Variants in LEPROT observed in about 807,000 individuals in gnomAD.
LEPROT encodes leptin receptor overlapping transcript, also known as leptin receptor gene-related protein.
In LEPROT, 3 loss-of-function variants were observed where a neutral mutation model predicts 15.4. The ratio of observed to expected loss-of-function variants is 0.19; its 90% CI spans 0.09 to 0.50. LEPROT has a LOEUF of 0.50. Among genes scored for constraint, LEPROT ranks in the 20% least tolerant of loss-of-function variants. LEPROT has a pLI of 0.97. For synonymous variants in LEPROT, 59 were observed against 57.5 expected (o/e 1.03, Z -0.12); for missense variants, 137 against 162.2 (o/e 0.84, Z 0.84).
intron 1 of LEPROT, among the ~76,000 whole-genome samples, chr1:65,420,963 C>T (rs761798008): frequency 2.0e-5 from 3 of 152,166 alleles, no homozygotes; most frequent in East Asian, 3.9e-4. Context: ...GCTGGCCTTC[C>T]TGCTCTCCAG....
At chr1:65,428,351 A>G (rs539313505) in intron 2 of LEPROT, among the ~76,000 whole-genome samples, 1 of 152,238 alleles carries the variant, frequency 6.6e-6, no homozygotes, top group Admixed American at 6.5e-5. Flanking sequence ...TTGGCTGTGG[A>G]TATGTAAGGT....
At chr1:65,426,664 A>C (rs1646378109) in intron 2 of LEPROT, among the ~76,000 whole-genome samples, 1 of 152,164 alleles carries the variant, frequency 6.6e-6, no homozygotes, top group African/African-American at 2.4e-5. Flanking sequence ...GAGAGTTCTT[A>C]GATGTCTCCC....
intron 2 of LEPROT, among the ~76,000 whole-genome samples, chr1:65,427,612 A>G (rs955856392): frequency 2.6e-5 from 4 of 152,196 alleles, no homozygotes; most frequent in African/African-American, 4.8e-5. Context: ...AATGGAGCTC[A>G]TGTTCTGACG....
In LEPROT at chr1:65,433,976, C is replaced by T. The variant is rs1646523192; in HGVS notation, c.*2057C>T. 3.0e-6 allele frequency: 3 copies of T among 985,300 alleles called. No individual in the cohort carries two copies. Among genetic ancestry groups the T allele is most frequent in the South Asian group, 9.4e-5 (2 of 21,280 alleles). The allele number at this position is 985,300 out of a possible 1,614,324, so 61.0% of individuals were successfully genotyped here. On this transcript the variant is annotated 3_prime_UTR_variant, in exon 4 of 4. Coordinates refer to ENST00000371065, the MANE Select transcript of LEPROT (RefSeq NM_017526.5). Reference sequence around the variant, plus strand: ...TGAATGTCTAGTTGGTGTGCAATAGCTTTTCTTTCTAAGATGGCAATAATG... The same window carrying T: ...TGAATGTCTAGTTGGTGTGCAATAGTTTTTCTTTCTAAGATGGCAATAATG...
chr1:65,423,613 G>A (rs1402432188), intron 1 of LEPROT, among the ~76,000 whole-genome samples: 1 of 152,082 alleles, frequency 6.6e-6, no homozygotes, highest in African/African-American at 2.4e-5. Flanking sequence ...ATTAAAGAGT[G>A]GAAATGTAAA....
chr1:65,427,248 G>T (rs1464774989), intron 2 of LEPROT, among the ~76,000 whole-genome samples: 1 of 152,094 alleles, frequency 6.6e-6, no homozygotes, highest in Non-Finnish European at 1.5e-5. Context: ...CAAAGCCCAG[G>T]GTAGTTAAAG....
intron 1 of LEPROT, among the ~76,000 whole-genome samples, chr1:65,422,000 CAG>C (rs1318276125): frequency 6.6e-6 from 1 of 152,144 alleles, no homozygotes; most frequent in Non-Finnish European, 1.5e-5. Context: ...TGGTGGGTGA[CAG>C]AGCTGGAAAT....
chr1:65,426,235 A>AAAATCAGCAAGCAGGC (rs1557581615), intron 2 of LEPROT, among the ~76,000 whole-genome samples: 23 of 152,116 alleles, frequency 1.5e-4, no homozygotes, highest in African/African-American at 5.1e-4. Flanking sequence ...AGGCCCGGAG[A>AAAATCAGCAAGCAGGC]CATGAAAGTG....
chr1:65,425,894 A>AT, intron 2 of LEPROT, among the ~76,000 whole-genome samples: 1 of 152,048 alleles, frequency 6.6e-6, no homozygotes, highest in Admixed American at 6.5e-5. Context: ...CATTCTACAC[A>AT]TTTTTTCATT....
chr1:65,424,451 G>A (rs1218432737), intron 1 of LEPROT, among the ~76,000 whole-genome samples: 1 of 152,160 alleles, frequency 6.6e-6, no homozygotes, highest in Non-Finnish European at 1.5e-5. Context: ...GAGTTATGTG[G>A]ACCAACTGGC....
chr1:65,430,149 C>A, intron 3 of LEPROT, 101 bp downstream of exon 3: 1 of 1,037,220 alleles, frequency 9.6e-7, no homozygotes, highest in Non-Finnish European at 1.3e-6. Context: ...AGGCTTTATA[C>A]TCAAGGCCGT....
At chr1:65,421,567 A>G in intron 1 of LEPROT, 1 of 1,276,726 alleles carries the variant, frequency 7.8e-7, no homozygotes, top group Non-Finnish European at 1.1e-6. Context: ...TCCCCAGTTA[A>G]CATCTGCTAT....
chr1:65,422,890 GT>G (rs1646280465), intron 1 of LEPROT, among the ~76,000 whole-genome samples: 1 of 152,182 alleles, frequency 6.6e-6, no homozygotes, highest in South Asian at 2.1e-4. Flanking sequence ...GATATATATA[GT>G]TGAAAGATCA....
intron 2 of LEPROT, among the ~76,000 whole-genome samples, chr1:65,426,905 G>C (rs1172626238): frequency 5.3e-5 from 8 of 152,134 alleles, no homozygotes; most frequent in African/African-American, 1.9e-4. Context: ...GGCTGAGGCA[G>C]GAGAATTGCT....
intron 2 of LEPROT, 121 bp from the exon 3 acceptor site, chr1:65,429,741 A>G (rs1570431289): frequency 2.4e-6 from 2 of 835,144 alleles, no homozygotes; most frequent in East Asian, 2.7e-5. Context: ...AATATTCACA[A>G]TTAATTAATT....
rs1646513300 is a variant in LEPROT at position 65,433,250 on chromosome 1, A to G, written c.*1331A>G. On this transcript the variant is annotated 3_prime_UTR_variant, in exon 4 of 4. Coordinates refer to ENST00000371065, the MANE Select transcript of LEPROT (RefSeq NM_017526.5). ...TTCTTCCCGAAGAGATATAGGAGCC[A>G]TGTAAGCACGCAGTGGGTGAACTGC... 4.1e-6 allele frequency: 4 copies of G among 985,090 alleles called. No individual in the cohort carries two copies. The highest frequency in any genetic ancestry group is 4.8e-6 in the Non-Finnish European group (4 of 829,924). 61.0% of individuals were successfully genotyped at this position (985,090 alleles called of 1,614,324 possible).
intron 2 of LEPROT, 126 bp downstream of exon 2, chr1:65,425,504 T>A: frequency 1.4e-6 from 1 of 691,342 alleles, no homozygotes; most frequent in Non-Finnish European, 2.3e-6. Context: ...GCCCAGTTTA[T>A]GAACACAGTC....
At position 65,432,721 on chromosome 1, in the gene LEPROT, G is replaced by A; in HGVS notation, c.*802G>A. ...AAAGCCTCAGTTAGGAGGAATAAGTGTGATTTTTTTTTAAAGATCACTTGC... is the reference window on the plus strand; with the variant it reads ...AAAGCCTCAGTTAGGAGGAATAAGTATGATTTTTTTTTAAAGATCACTTGC... On this transcript the variant is annotated 3_prime_UTR_variant, in exon 4 of 4. Coordinates refer to ENST00000371065, the MANE Select transcript of LEPROT (RefSeq NM_017526.5). 2.4e-6 allele frequency: 2 copies of A among 822,360 alleles called. No individual in the cohort carries two copies. Among genetic ancestry groups the A allele is most frequent in the South Asian group, 1.1e-4 (2 of 17,954 alleles). The allele number at this position is 822,360 out of a possible 1,614,324, so 50.9% of individuals were successfully genotyped here. A position where few individuals can be genotyped will look rare whatever the true frequency, so the allele number is the denominator to read the frequency against.
chr1:65,432,024 T>A lies in LEPROT; in HGVS notation c.*105T>A. On this transcript the variant is annotated 3_prime_UTR_variant, in exon 4 of 4. Transcript: ENST00000371065. ...ATGAAATTTAATATGCTGGGTTTTT[T>A]AATACCTTTATATATCATGTTCACT... The A allele has an allele frequency of 1.4e-6, 2 of 1,464,740 alleles. No homozygotes were observed. The highest frequency in any genetic ancestry group is 1.5e-5 in the South Asian group (1 of 66,226). The allele number at this position is 1,464,740 out of a possible 1,614,324, so 90.7% of individuals were successfully genotyped here. A position where few individuals can be genotyped will look rare whatever the true frequency, so the allele number is the denominator to read the frequency against.
Sources: allele counts gnomAD v4.1 joint callset (sites outside exome capture counted in the v4.1 genomes callset), GRCh38; gene constraint gnomAD v4.1.1; transcripts MANE v1.5; gene names NCBI Gene and HGNC (gene_info 2026-07-23, HGNC 2026-07-21).